MYOM3: variants seen among roughly 807,000 people sequenced by gnomAD.
The protein encoded by MYOM3 is myomesin 3.
In MYOM3, 155 loss-of-function variants were observed where a neutral mutation model predicts 191.7. That is an observed-to-expected ratio of 0.81 (90% CI 0.71 to 0.92). The LOEUF (loss-of-function observed/expected upper bound fraction) is 0.92, where lower values mean the gene tolerates loss of function less well. MYOM3 is among the 40% of genes least tolerant of loss of function. MYOM3 has a pLI of 0.00. For missense variants in MYOM3, 1,889 were observed against 1,890.6 expected (o/e 1.00, Z 0.02); for synonymous variants, 757 against 762.9 (o/e 0.99, Z 0.13).
At chr1:24,106,189 G>A in intron 4 of MYOM3, 112 bp from the exon 5 acceptor site, 1 of 1,216,282 alleles carries the variant, frequency 8.2e-7, no homozygotes, top group Non-Finnish European at 1.1e-6. Flanking sequence ...CACATGGGCT[G>A]GAGTTCCCGG....
chr1:24,060,563 C>T (rs1479044641), intron 35 of MYOM3, among the ~76,000 whole-genome samples: 1 of 152,200 alleles, frequency 6.6e-6, no homozygotes, highest in Non-Finnish European at 1.5e-5. Flanking sequence ...CTCCTACCAC[C>T]AGGCCGCTTA....
Position 24,093,124 on chromosome 1 carries a change from G to A in MYOM3, c.929-16C>T. 2 of 1,599,484 alleles carry A rather than the reference G, an allele frequency of 1.3e-6. No individual in the cohort carries two copies. Among genetic ancestry groups the A allele is most frequent in the Non-Finnish European group, 8.5e-7 (1 of 1,177,070 alleles). On this transcript the variant is annotated splice_polypyrimidine_tract_variant and intron_variant, in intron 9 of 36. Coordinates refer to ENST00000374434, the MANE Select transcript of MYOM3 (RefSeq NM_152372.4). ...AGTAGGCTCCCTGTGGAGGGGAAGT[G>A]GGGGGCCATTGAGTTTGTGGGGGGT...
chr1:24,082,402 C>T (rs1021628494), intron 17 of MYOM3, 191 bp downstream of exon 17: 38 of 934,312 alleles, frequency 4.1e-5, no homozygotes. Flanking sequence ...TGCTCAGGCC[C>T]CATCCCATGG....
At chr1:24,089,446 C>G in intron 14 of MYOM3, 92 bp downstream of exon 14, 5 of 1,434,056 alleles carry the variant, frequency 3.5e-6, no homozygotes, top group Non-Finnish European at 3.7e-6. Context: ...CTCTTTCATT[C>G]TCTGACGGCC....
Position 24,098,005 on chromosome 1 carries a change from G to A in MYOM3, c.663C>T (p.Ala221=). 4 of 1,610,056 alleles carry A rather than the reference G, an allele frequency of 2.5e-6. No individual in the cohort carries two copies. The highest frequency in any genetic ancestry group is 3.4e-6 in the Non-Finnish European group (4 of 1,176,226). ...CAGTGTAAGTTGCTGAGTCCTCAAT[G>A]GCGCATCTGAAAAGGAGAGAGGGAG... ...GLLSLEIRRC[A]IEDSATYTVR... Residue 221 remains alanine (A), a synonymous_variant, in exon 7 of 37, where the codon GCC becomes GCT. Transcript: ENST00000374434.
In MYOM3 at chr1:24,108,558, G is replaced by A. The variant is rs373675823; in HGVS notation, c.79C>T (p.Arg27Trp). 8.9e-6 allele frequency: 14 copies of A among 1,578,918 alleles called. No individual in the cohort carries two copies. The highest frequency in any genetic ancestry group is 6.7e-5 in the African/African-American group (5 of 74,116). Residue 27 changes from arginine (R) to tryptophan (W), a missense_variant, in exon 2 of 37, where the codon CGG becomes TGG. Physicochemically the swap from Arg to Trp is moderately radical, Grantham distance 101. Transcript: ENST00000374434. ...QAMEVHRLEH[R>W]QEEEQKEERQ... ...TCCTCCTTCTGCTCCTCCTCCTGCC[G>A]GTGCTCCAGCCTGTGAACCTCCATG...
chr1:24,096,388 C>A (rs1247108934), intron 7 of MYOM3, among the ~76,000 whole-genome samples: 1 of 152,108 alleles, frequency 6.6e-6, no homozygotes, highest in Non-Finnish European at 1.5e-5. Context: ...CCTGGTGGAC[C>A]CTGGAGTTGC....
At chr1:24,071,411 C>T (rs2148546124) in intron 24 of MYOM3, among the ~76,000 whole-genome samples, 158 bp from the exon 25 acceptor site, 1 of 152,294 alleles carries the variant, frequency 6.6e-6, no homozygotes, top group Admixed American at 6.5e-5. Context: ...GAGGGTTTTC[C>T]GAATGCCCAC....
chr1:24,066,033 C>T lies in MYOM3; in HGVS notation c.3424-32G>A, dbSNP rs767177870. On this transcript the variant is annotated intron_variant, in intron 28 of 36. Coordinates refer to ENST00000374434, the MANE Select transcript of MYOM3 (RefSeq NM_152372.4). ...AAGGTGGGGAATGAGGAGACTCTGTCAGGCTTGTTTCTTTTTGAGTAAAAA... is the reference window on the plus strand; with the variant it reads ...AAGGTGGGGAATGAGGAGACTCTGTTAGGCTTGTTTCTTTTTGAGTAAAAA... 2.1e-6 allele frequency: 3 copies of T among 1,427,588 alleles called. No individual in the cohort carries two copies. In the South Asian group the frequency reaches 3.4e-5, roughly 16 times the overall value. The allele number at this position is 1,427,588 out of a possible 1,614,324, so 88.4% of individuals were successfully genotyped here. A position where few individuals can be genotyped will look rare whatever the true frequency, so the allele number is the denominator to read the frequency against.
rs566932144 is a variant in MYOM3 at position 24,057,066 on chromosome 1, C to G, written c.*298G>C. The stretch of plus-strand genomic sequence containing the variant: ...TGGTGGGAGCTGCAGTGTTTAGCAG[C>G]GTACCTGACCTCTACCTATCAGATG... On this transcript the variant is annotated 3_prime_UTR_variant, in exon 37 of 37. Coordinates refer to ENST00000374434, the MANE Select transcript of MYOM3 (RefSeq NM_152372.4). 4.9e-6 allele frequency: 2 copies of G among 409,554 alleles called. No homozygotes were observed. Among genetic ancestry groups the G allele is most frequent in the Non-Finnish European group, 4.4e-6 (1 of 226,746 alleles). The allele number at this position is 409,554 out of a possible 1,614,324, so 25.4% of individuals were successfully genotyped here.
chr1:24,073,639 C>G (rs190885543), intron 23 of MYOM3, among the ~76,000 whole-genome samples: 1 of 151,972 alleles, frequency 6.6e-6, no homozygotes, highest in Non-Finnish European at 1.5e-5. Context: ...CTGAGGTGGG[C>G]GGATCACGAG....
intron 11 of MYOM3, among the ~76,000 whole-genome samples, chr1:24,091,544 T>C (rs936646636): frequency 1.3e-5 from 2 of 152,176 alleles, no homozygotes; most frequent in Non-Finnish European, 2.9e-5. Flanking sequence ...GTCCAAGTCT[T>C]GTCTCCACCA....
In MYOM3 at chr1:24,099,681, T is replaced by C; in HGVS notation, c.655A>G (p.Arg219Gly). Reference protein sequence around the residue: ...NYGLLSLEIRRCAIEDSATYT... With the variant: ...NYGLLSLEIRGCAIEDSATYT... ...GTCTCTCCAGGTCTCCAGTCTCACC[T>C]CCTAATCTCCAGGGACAGCAGCCCG... The change falls in exon 6 of 37, where the codon AGA becomes GGA. Residue 219 changes from arginine (R) to glycine (G), a missense_variant and splice_region_variant. By Grantham distance (125) the Arg-to-Gly change is moderately radical. Transcript: ENST00000374434. 6.2e-7 allele frequency: 1 copy of C among 1,612,886 alleles called. No homozygotes were observed. Among genetic ancestry groups the C allele is most frequent in the Non-Finnish European group, 8.5e-7 (1 of 1,178,960 alleles).
chr1:24,089,318 C>A (rs778573344), intron 14 of MYOM3, among the ~76,000 whole-genome samples: 7 of 152,222 alleles, frequency 4.6e-5, no homozygotes. Flanking sequence ...CCACGAACAG[C>A]CTCAGGAACG....
intron 7 of MYOM3, among the ~76,000 whole-genome samples, chr1:24,095,949 A>T (rs1296355415): frequency 6.6e-6 from 1 of 152,198 alleles, no homozygotes; most frequent in Non-Finnish European, 1.5e-5. Context: ...AGAGAATAGT[A>T]ACAGCAGCTC....
intron 25 of MYOM3, among the ~76,000 whole-genome samples, chr1:24,070,716 TA>T (rs1557604054): frequency 6.6e-6 from 1 of 151,982 alleles, no homozygotes; most frequent in African/African-American, 2.4e-5. Flanking sequence ...ATTAAAAAGA[TA>T]AAAAAAGAAA....
chr1:24,091,115 A>G (rs1012465867), intron 11 of MYOM3, 119 bp from the exon 12 acceptor site: 7 of 1,177,928 alleles, frequency 5.9e-6, no homozygotes, highest in Middle Eastern at 2.8e-4. Context: ...TCTGCCAATT[A>G]AAGTTCTTCT....
intron 20 of MYOM3, among the ~76,000 whole-genome samples, chr1:24,078,512 T>TA (rs145639234): frequency 1.7e-3 from 262 of 152,358 alleles, no homozygotes; most frequent in African/African-American, 6.1e-3. Context: ...TTGCCATTGT[T>TA]ACGGGCTTCT....
intron 25 of MYOM3, among the ~76,000 whole-genome samples, chr1:24,070,002 G>A (rs1643505743): frequency 6.6e-6 from 1 of 152,144 alleles, no homozygotes; most frequent in African/African-American, 2.4e-5. Context: ...CTCTCATGAG[G>A]TTGACATCGC....
Sources: allele counts gnomAD v4.1 joint callset (sites outside exome capture counted in the v4.1 genomes callset), GRCh38; gene constraint gnomAD v4.1.1; transcripts MANE v1.5; gene names NCBI Gene and HGNC (gene_info 2026-07-23, HGNC 2026-07-21).